CSMD1: variants seen among roughly 807,000 people sequenced by gnomAD.
CSMD1 encodes CUB and Sushi multiple domains 1.
A neutral mutation model predicts 417.5 loss-of-function variants in CSMD1; 213 were observed. The ratio of observed to expected loss-of-function variants is 0.51; its 90% CI spans 0.46 to 0.57. The LOEUF is 0.57. Ranked by LOEUF, CSMD1 falls within the 20% of genes least tolerant of loss-of-function variation. The probability of loss-of-function intolerance (pLI) is 0.00; values close to 1 mark genes in which losing one functional copy is unlikely to be tolerated. For missense variants in CSMD1, 6,923 were observed against 4,529.7 expected (o/e 1.53, Z -15.17); for synonymous variants, 2,862 against 1,736.8 (o/e 1.65, Z -16.11).
At chr8:4,750,772 G>T (rs1038254519) in intron 1 of CSMD1, among the ~76,000 whole-genome samples, 6 of 151,832 alleles carry the variant, frequency 4.0e-5, no homozygotes, top group African/African-American at 1.5e-4. Context: ...AAAAAAAGTA[G>T]TATTAGCATA....
At chr8:3,670,605 C>T (rs35406255) in intron 7 of CSMD1, among the ~76,000 whole-genome samples, 63,248 of 128,688 alleles carry the variant, frequency 0.49, 18,066 homozygotes, top group African/African-American at 0.64. Context: ...ATATATTGCA[C>T]ATATATATGG....
At chr8:3,929,103 G>A (rs1342674294) in intron 5 of CSMD1, among the ~76,000 whole-genome samples, 1 of 150,242 alleles carries the variant, frequency 6.7e-6, no homozygotes, top group Admixed American at 6.6e-5. Context: ...CTTGGAGTGA[G>A]GAGAGATGAA....
At chr8:3,368,472 G>A (rs966577560) in intron 19 of CSMD1, among the ~76,000 whole-genome samples, 7 of 152,096 alleles carry the variant, frequency 4.6e-5, no homozygotes, top group African/African-American at 1.2e-4. Context: ...GAGTAGCTGC[G>A]ATTACAGGCA....
At chr8:3,411,316 C>T (rs183598610) in intron 12 of CSMD1, among the ~76,000 whole-genome samples, 1 of 152,064 alleles carries the variant, frequency 6.6e-6, no homozygotes, top group Non-Finnish European at 1.5e-5. Flanking sequence ...GGGCCAAGAG[C>T]AAATTCTTTG....
chr8:4,476,695 G>A (rs17063261), intron 2 of CSMD1, among the ~76,000 whole-genome samples: 111,455 of 151,988 alleles, frequency 0.73, 41,590 homozygotes, highest in Middle Eastern at 0.84. Flanking sequence ...GCCAGTTCAA[G>A]TCCCGATTTC....
intron 5 of CSMD1, among the ~76,000 whole-genome samples, chr8:3,810,515 C>G (rs1387136252): frequency 6.6e-6 from 1 of 152,078 alleles, no homozygotes; most frequent in Admixed American, 6.5e-5. Context: ...TGGAAGAGGT[C>G]AGAATGGGAT....
At chr8:4,311,146 T>G (rs1220873405) in intron 3 of CSMD1, among the ~76,000 whole-genome samples, 1 of 152,174 alleles carries the variant, frequency 6.6e-6, no homozygotes, top group Admixed American at 6.5e-5. Flanking sequence ...ATACCGTGAC[T>G]GGCTGTAAGC....
In CSMD1 at chr8:2,955,744, G is replaced by C. The variant is rs752328738; in HGVS notation, c.9839C>G (p.Thr3280Ser). The change falls in exon 64 of 70, where the codon ACC (threonine) becomes AGC (serine). Residue 3280 changes from threonine to serine, a missense_variant. Physicochemically the swap from Thr to Ser is moderately conservative, Grantham distance 58. Transcript: ENST00000635120. ...GGCTCTCACATCCGCGTGTGCCGGG[G>C]TTTCTGGCTGTCTGCAGGCATGAGC... ...CIPHACRQPETPAHADVRAID... is the reference protein window; with the variant it reads ...CIPHACRQPESPAHADVRAID... 9.3e-6 allele frequency: 15 copies of C among 1,613,702 alleles called. No homozygotes were observed. Among genetic ancestry groups the C allele is most frequent in the Non-Finnish European group, 1.3e-5 (15 of 1,179,818 alleles).
At chr8:4,503,850 A>G (rs1802385283) in intron 2 of CSMD1, among the ~76,000 whole-genome samples, 1 of 152,008 alleles carries the variant, frequency 6.6e-6, no homozygotes. Context: ...CTCAGAGAAT[A>G]TTCTTGATGG....
At chr8:4,042,706 A>G (rs568504842) in intron 3 of CSMD1, among the ~76,000 whole-genome samples, 1 of 151,428 alleles carries the variant, frequency 6.6e-6, no homozygotes, top group African/African-American at 2.4e-5. Context: ...GGTTTCTAAC[A>G]TATGTAGAAG....
chr8:4,086,816 T>G (rs139156779), intron 3 of CSMD1, among the ~76,000 whole-genome samples: 159 of 152,346 alleles, frequency 1.0e-3, no homozygotes, highest in African/African-American at 3.7e-3. Context: ...TAGTCTGAGA[T>G]GAAAACTTTG....
intron 17 of CSMD1, among the ~76,000 whole-genome samples, chr8:3,394,978 T>A (rs943452205): frequency 2.0e-5 from 3 of 152,176 alleles, no homozygotes; most frequent in Non-Finnish European, 4.4e-5. Flanking sequence ...TGCACGTTTG[T>A]GTATACTTAT....
intron 3 of CSMD1, among the ~76,000 whole-genome samples, chr8:4,160,452 A>G (rs1797087731): frequency 6.6e-6 from 1 of 152,186 alleles, no homozygotes; most frequent in Non-Finnish European, 1.5e-5. Flanking sequence ...ATATTTCAAT[A>G]AAGTAAGTGT....
chr8:4,963,654 G>A (rs1275374211), intron 1 of CSMD1, among the ~76,000 whole-genome samples: 1 of 152,156 alleles, frequency 6.6e-6, no homozygotes, highest in East Asian at 1.9e-4. Context: ...AATACGTGTA[G>A]TATGAATTTG....
chr8:4,504,708 C>A (rs372672790), intron 2 of CSMD1, among the ~76,000 whole-genome samples: 3 of 152,240 alleles, frequency 2.0e-5, no homozygotes, highest in African/African-American at 7.2e-5. Context: ...GTTCAACTCC[C>A]ACTTATGAGT....
intron 1 of CSMD1, among the ~76,000 whole-genome samples, chr8:4,681,820 C>T (rs1456012235): frequency 6.6e-6 from 1 of 152,008 alleles, no homozygotes; most frequent in Non-Finnish European, 1.5e-5. Flanking sequence ...GTCATAAAAC[C>T]TCTGATAACC....
intron 3 of CSMD1, among the ~76,000 whole-genome samples, chr8:4,326,517 G>A (rs1461524486): frequency 1.3e-5 from 2 of 152,178 alleles, no homozygotes; most frequent in African/African-American, 2.4e-5. Context: ...ATAAACGAGA[G>A]GTAGTGCATA....
chr8:3,572,208 GC>G (rs754705810), intron 10 of CSMD1, among the ~76,000 whole-genome samples: 1 of 152,252 alleles, frequency 6.6e-6, no homozygotes. Flanking sequence ...GGCGGTGGGA[GC>G]CCCCTCTCAG....
At chr8:4,363,005 T>A (rs932619086) in intron 3 of CSMD1, among the ~76,000 whole-genome samples, 5 of 152,198 alleles carry the variant, frequency 3.3e-5, no homozygotes, top group African/African-American at 1.2e-4. Context: ...AGTCTTTGAA[T>A]AGATTTTGAA....
Sources: allele counts gnomAD v4.1 joint callset (sites outside exome capture counted in the v4.1 genomes callset), GRCh38; gene constraint gnomAD v4.1.1; transcripts MANE v1.5; gene names NCBI Gene and HGNC (gene_info 2026-07-23, HGNC 2026-07-21).